Variants in TUT7 observed in about 807,000 individuals in gnomAD.
The protein encoded by TUT7 is terminal uridylyltransferase 7.
In TUT7, 33 loss-of-function variants were observed where a neutral mutation model predicts 165.9. The ratio of observed to expected loss-of-function variants is 0.20; its 90% CI spans 0.15 to 0.27. The LOEUF (loss-of-function observed/expected upper bound fraction) is 0.27, where lower values mean the gene tolerates loss of function less well. Among genes scored for constraint, TUT7 ranks in the 10% least tolerant of loss-of-function variants. TUT7 has a pLI of 1.00. For missense variants in TUT7, 1,338 were observed against 1,762.3 expected, an observed-to-expected ratio of 0.76 and a Z score of 4.31; for synonymous variants, 552 against 608.1, an observed-to-expected ratio of 0.91 and a Z score of 1.36.
chr9:86,304,478 G>A (rs901505958), intron 24 of TUT7, among the ~76,000 whole-genome samples: 2 of 152,022 alleles, frequency 1.3e-5, no homozygotes, highest in Non-Finnish European at 1.5e-5. Flanking sequence ...ACTACTTTTT[G>A]CAAGCAGATT....
intron 5 of TUT7, among the ~76,000 whole-genome samples, chr9:86,344,168 C>G (rs1457624619): frequency 6.6e-6 from 1 of 152,166 alleles, no homozygotes; most frequent in Non-Finnish European, 1.5e-5. Context: ...GATTCCAACC[C>G]TAGCTGTGGA....
chr9:86,332,745 ATATT>A (rs1265879632), intron 10 of TUT7, among the ~76,000 whole-genome samples: 1 of 152,156 alleles, frequency 6.6e-6, no homozygotes, highest in African/African-American at 2.4e-5. Context: ...TTTAGTGGGG[ATATT>A]TAGTCTGTCA....
intron 24 of TUT7, 39 bp downstream of exon 24, chr9:86,304,817 T>A: frequency 7.0e-7 from 1 of 1,429,422 alleles, no homozygotes; most frequent in Non-Finnish European, 9.6e-7. Context: ...TAGGCACTTT[T>A]TTTTATTTTT....
intron 17 of TUT7, among the ~76,000 whole-genome samples, chr9:86,315,346 T>G (rs1828604922): frequency 6.6e-6 from 1 of 152,200 alleles, no homozygotes; most frequent in Non-Finnish European, 1.5e-5. Context: ...CATCGTTCCT[T>G]CTTAGGAAAT....
chr9:86,312,954 C>T (rs1828341114), intron 17 of TUT7, among the ~76,000 whole-genome samples: 1 of 151,798 alleles, frequency 6.6e-6, no homozygotes, highest in Non-Finnish European at 1.5e-5. Context: ...ATCTCAAGTA[C>T]CCAGGGACAC....
intron 17 of TUT7, among the ~76,000 whole-genome samples, chr9:86,314,511 G>A (rs961659939): frequency 2.0e-5 from 3 of 152,122 alleles, no homozygotes; most frequent in African/African-American, 7.2e-5. Flanking sequence ...TTTCACACAG[G>A]TGTTCTCTGC....
intron 17 of TUT7, among the ~76,000 whole-genome samples, chr9:86,315,274 T>C (rs1157932042): frequency 6.6e-6 from 1 of 152,212 alleles, no homozygotes; most frequent in Non-Finnish European, 1.5e-5. Context: ...CTGCATTCCA[T>C]TATTATTATA....
intron 2 of TUT7, among the ~76,000 whole-genome samples, chr9:86,348,792 A>G (rs771727035): frequency 6.6e-6 from 1 of 152,056 alleles, no homozygotes; most frequent in African/African-American, 2.4e-5. Flanking sequence ...CCTGAAATTC[A>G]GCCTTCTAAC....
chr9:86,322,624 G>C (rs1829418214), intron 13 of TUT7, 149 bp from the exon 14 acceptor site: 1 of 1,061,992 alleles, frequency 9.4e-7, no homozygotes, highest in African/African-American at 1.6e-5. Flanking sequence ...TGATCTGAGA[G>C]ATGGGGACAT....
chr9:86,352,463 G>C lies in TUT7; in HGVS notation c.520+217C>G, dbSNP rs897330580. The C allele has an allele frequency of 4.8e-6, 3 of 628,270 alleles. No individual in the cohort carries two copies. In the African/African-American group the frequency reaches 5.5e-5, roughly 12 times the overall value. 38.9% of individuals were successfully genotyped at this position (628,270 alleles called of 1,614,324 possible). A position where few individuals can be genotyped will look rare whatever the true frequency, so the allele number is the denominator to read the frequency against. ...GACGTAAAGTGAGCCCTGGGGCAAA[G>C]TAAACTTTTAAAGGGATCAACATAT... On this transcript the variant is annotated intron_variant, in intron 2 of 26. Transcript: ENST00000375963.
At chr9:86,348,792 A>C (rs771727035) in intron 2 of TUT7, among the ~76,000 whole-genome samples, 2 of 152,056 alleles carry the variant, frequency 1.3e-5, no homozygotes, top group Non-Finnish European at 1.5e-5. Context: ...CCTGAAATTC[A>C]GCCTTCTAAC....
At position 86,331,323 on chromosome 9, in the gene TUT7, T is replaced by C. The variant is rs192673071; in HGVS notation, c.1456-2831A>G. ...ATATGGACTTGTAAAAAATATGTAT[T>C]CTCCAGTTATTGGGTATAGTGTTTT... On this transcript the variant is annotated intron_variant, in intron 10 of 26. Transcript: ENST00000375963. Among the ~76,000 whole-genome samples the C allele has an allele frequency of 3.5e-4, 54 of 152,278 alleles. 1 individual carries two copies. In the East Asian group the frequency reaches 9.8e-3, roughly 28 times the overall value.
intron 5 of TUT7, 68 bp from the exon 6 acceptor site, chr9:86,343,231 C>G: frequency 1.0e-6 from 1 of 966,488 alleles, no homozygotes; most frequent in East Asian, 3.0e-5. Context: ...TAACAAAACA[C>G]TGCTATTTCA....
chr9:86,289,826 G>A (rs1232865541), intron 26 of TUT7, among the ~76,000 whole-genome samples: 1 of 152,074 alleles, frequency 6.6e-6, no homozygotes, highest in Non-Finnish European at 1.5e-5. Context: ...GAGGAGGTGG[G>A]TAGAAATTCT....
At chr9:86,300,149 T>C (rs1463276673) in intron 26 of TUT7, among the ~76,000 whole-genome samples, 1 of 152,238 alleles carries the variant, frequency 6.6e-6, no homozygotes, top group Non-Finnish European at 1.5e-5. Context: ...AAGCTGTATC[T>C]TTCATAAACA....
At chr9:86,308,880 C>A (rs140204360) in intron 21 of TUT7, among the ~76,000 whole-genome samples, 1 of 152,092 alleles carries the variant, frequency 6.6e-6, no homozygotes, top group African/African-American at 2.4e-5. Flanking sequence ...CTTGGTAATA[C>A]GTAGGTTATT....
Position 86,301,448 on chromosome 9 carries a change from C to T in TUT7, c.4248G>A (p.Gln1416=). 6.2e-7 allele frequency: 1 copy of T among 1,614,196 alleles called. No homozygotes were observed. The stretch of plus-strand genomic sequence containing the variant: ...CAGCTGCCCGCATTGGCTTGGCTTT[C>T]TGAGGTGTGCACTGTATGGGCTTAT... ...KEDKPIQCTP[Q]KAKPMRAAAD... is the part of the protein sequence containing the mutation. Residue 1416 remains glutamine (Q), a synonymous_variant, in exon 26 of 27, where the codon CAG becomes CAA. Coordinates refer to ENST00000375963, the MANE Select transcript of TUT7 (RefSeq NM_024617.4).
intron 22 of TUT7, 89 bp downstream of exon 22, chr9:86,308,340 G>A: frequency 8.1e-7 from 1 of 1,233,554 alleles, no homozygotes; most frequent in Admixed American, 2.6e-5. Flanking sequence ...ACCCCAAGCA[G>A]CTGGAAGAGC....
Position 86,310,718 on chromosome 9 carries a change from C to A in TUT7, c.3366G>T (p.Leu1122Phe). The change falls in exon 18 of 27, where the codon TTG becomes TTT. Residue 1122 changes from leucine to phenylalanine, a missense_variant. Leu to Phe is a conservative substitution (Grantham distance 22). This residue lies in a region of TUT7 where 157 missense variants were observed against 357.5 expected (regional missense o/e 0.44). Transcript: ENST00000375963. ...LRSGLEVDISLYNTLALHNTR... is the reference protein window; with the variant it reads ...LRSGLEVDISFYNTLALHNTR... ...AAAAAAATCTTACCAATGTGTTATA[C>A]AAACTGATATCTACTTCCAGACCAC... 6.2e-7 allele frequency: 1 copy of A among 1,604,076 alleles called. No homozygotes were observed.
Sources: allele counts gnomAD v4.1 joint callset (sites outside exome capture counted in the v4.1 genomes callset), GRCh38; gene constraint gnomAD v4.1.1; regional missense constraint gnomAD v4.1.1; transcripts MANE v1.5; gene names NCBI Gene and HGNC (gene_info 2026-07-23, HGNC 2026-07-21).